Variants in SPAG1 observed in about 807,000 individuals in gnomAD.
The protein encoded by SPAG1 is sperm associated antigen 1.
SPAG1 carries 69 observed loss-of-function variants against 100.5 expected under a neutral mutation model. The ratio of observed to expected loss-of-function variants is 0.69; its 90% CI spans 0.57 to 0.84. The LOEUF (loss-of-function observed/expected upper bound fraction) is 0.84. Ranked by LOEUF, SPAG1 falls within the 40% of genes least tolerant of loss-of-function variation. The probability of loss-of-function intolerance (pLI) is 0.00; values close to 1 mark genes in which losing one functional copy is unlikely to be tolerated. For synonymous variants in SPAG1, 336 were observed against 411.6 expected (o/e 0.82, Z 2.22); for missense variants, 955 against 1,133.1 (o/e 0.84, Z 2.26).
chr8:100,161,943 T>C (rs192888329), intron 1 of SPAG1, among the ~76,000 whole-genome samples: 23 of 152,366 alleles, frequency 1.5e-4, no homozygotes, highest in Non-Finnish European at 3.2e-4. Context: ...CTGTAGCCAG[T>C]TGCAGAAGTA....
intron 3 of SPAG1, among the ~76,000 whole-genome samples, chr8:100,170,191 CATTT>C (rs1265926839): frequency 6.6e-6 from 1 of 152,072 alleles, no homozygotes; most frequent in Non-Finnish European, 1.5e-5. Context: ...TTTCTTCATT[CATTT>C]AAGTCTTCAA....
At chr8:100,164,078 C>T (rs186041878) in intron 2 of SPAG1, among the ~76,000 whole-genome samples, 1 of 152,158 alleles carries the variant, frequency 6.6e-6, no homozygotes, top group Non-Finnish European at 1.5e-5. Context: ...GAACAGATGT[C>T]TCCATTTAAC....
chr8:100,159,298 C>T (rs1394794307), intron 1 of SPAG1, among the ~76,000 whole-genome samples: 1 of 152,116 alleles, frequency 6.6e-6, no homozygotes, highest in Non-Finnish European at 1.5e-5. Flanking sequence ...TATCCTTGTC[C>T]TGGGAGCCAT....
chr8:100,209,182 AC>A (rs1446465831), intron 10 of SPAG1, among the ~76,000 whole-genome samples: 1 of 151,672 alleles, frequency 6.6e-6, no homozygotes, highest in Non-Finnish European at 1.5e-5. Context: ...TGAACATCAC[AC>A]TCCAAGTTCT....
chr8:100,173,219 A>G (rs1815960007), intron 3 of SPAG1, among the ~76,000 whole-genome samples: 1 of 151,284 alleles, frequency 6.6e-6, no homozygotes, highest in Non-Finnish European at 1.5e-5. Flanking sequence ...TTTTGTAGAG[A>G]CAGGGGTCTT....
chr8:100,240,864 G>GTT (rs57110081), intron 18 of SPAG1, 27 bp from the exon 19 acceptor site: 2,821 of 1,370,524 alleles, frequency 2.1e-3, no homozygotes, highest in African/African-American at 5.3e-3. Flanking sequence ...TTGGTTTTTT[G>GTT]TTTTTTTTTT....
At chr8:100,166,474 C>G (rs1427206839) in intron 3 of SPAG1, among the ~76,000 whole-genome samples, 1 of 152,084 alleles carries the variant, frequency 6.6e-6, no homozygotes, top group Non-Finnish European at 1.5e-5. Context: ...GGCCAGACTT[C>G]TCGAACTCCT....
At position 100,168,687 on chromosome 8, in the gene SPAG1, C is replaced by CTTTTTT. The variant is rs747506730; in HGVS notation, c.300+2720_300+2725dup. ...AGCATGAGCCACCATGCCCAGCCAT[C>CTTTTTT]TTTTTTTTTTTGTTGTTGAGACAGA... On this transcript the variant is annotated intron_variant, in intron 3 of 18. Transcript: ENST00000388798. Among the ~76,000 whole-genome samples, 64 of 95,606 alleles carry CTTTTTT rather than the reference C, an allele frequency of 6.7e-4. 3 individuals carry two copies. The highest frequency in any genetic ancestry group is 1.6e-3 in the Admixed American group (12 of 7,418). The allele number at this position is 95,606 out of a possible 152,430, so 62.7% of individuals were successfully genotyped here.
At chr8:100,175,993 T>C (rs183156420) in intron 3 of SPAG1, among the ~76,000 whole-genome samples, 92 of 152,308 alleles carry the variant, frequency 6.0e-4, no homozygotes, top group African/African-American at 1.9e-3. Flanking sequence ...TATCCCTTCC[T>C]GCCTTAAATC....
chr8:100,226,898 CTTTACTGTGTT>C, intron 14 of SPAG1, among the ~76,000 whole-genome samples: 1 of 152,240 alleles, frequency 6.6e-6, no homozygotes, highest in Middle Eastern at 3.4e-3. Context: ...TATACTGTAA[CTTTACTGTGTT>C]TTTACTGTAA....
chr8:100,218,662 CAA>C lies in SPAG1; in HGVS notation c.1536-1615_1536-1614del, dbSNP rs1434521738. On this transcript the variant is annotated intron_variant, in intron 12 of 18. Transcript: ENST00000388798. ...AACTTAAGAAAAAACTAGCACAGCA[CAA>C]AGACTATCATTAAAATCACTCACAA... Among the ~76,000 whole-genome samples, 4 of 152,204 alleles carry C rather than the reference CAA, an allele frequency of 2.6e-5. No homozygotes were observed. In the East Asian group the frequency reaches 7.7e-4, roughly 29 times the overall value.
In SPAG1 at chr8:100,239,291, A is replaced by C. The variant is rs1819147078; in HGVS notation, c.2167A>C (p.Ser723Arg). 1.3e-6 allele frequency: 2 copies of C among 1,547,682 alleles called. No homozygotes were observed. The highest frequency in any genetic ancestry group is 8.7e-7 in the Non-Finnish European group (1 of 1,149,030). ...DLNKVILLDP[S>R]IIEAKMELEE... ...CAATAAAGTTATCCTACTAGATCCA[A>C]GTATTATTGAGGCAAAGATGGAACT... Residue 723 changes from serine to arginine, a missense_variant, in exon 17 of 19, where the codon AGT (serine) becomes CGT (arginine). Physicochemically the swap from Ser to Arg is moderately radical, Grantham distance 110. Transcript: ENST00000388798. The surrounding 1 kb of genome is among the most constrained non-coding windows in gnomAD (Gnocchi z 5.0).
intron 1 of SPAG1, among the ~76,000 whole-genome samples, chr8:100,160,664 C>T (rs886610608): frequency 1.3e-5 from 2 of 149,608 alleles, no homozygotes; most frequent in African/African-American, 4.9e-5. Flanking sequence ...GTACAGAGTG[C>T]CCTTAGAACA....
chr8:100,201,518 G>A (rs886848693), intron 10 of SPAG1, among the ~76,000 whole-genome samples: 6 of 152,116 alleles, frequency 3.9e-5, no homozygotes, highest in African/African-American at 7.2e-5. Context: ...TACAGTGTGA[G>A]GTAAATGTGT....
intron 3 of SPAG1, among the ~76,000 whole-genome samples, chr8:100,167,035 A>T (rs1815591864): frequency 6.6e-6 from 1 of 152,236 alleles, no homozygotes; most frequent in Non-Finnish European, 1.5e-5. Context: ...CCAACAGTGT[A>T]TAAGAATGCC....
chr8:100,237,115 C>G (rs1399654466), intron 16 of SPAG1, among the ~76,000 whole-genome samples: 1 of 152,130 alleles, frequency 6.6e-6, no homozygotes, highest in Non-Finnish European at 1.5e-5. Flanking sequence ...GAGTCTTGCT[C>G]TGTCACTCAG....
chr8:100,213,967 A>G (rs1188364884), intron 12 of SPAG1, 49 bp downstream of exon 12: 2 of 1,066,202 alleles, frequency 1.9e-6, no homozygotes, highest in Non-Finnish European at 1.4e-6. Flanking sequence ...TAATTTCATT[A>G]TGGTGAATGC....
Position 100,168,828 on chromosome 8 carries a change from C to T in SPAG1, c.300+2855C>T, listed in dbSNP as rs1815691081. ...TCAGCCTTCTGAGTAGCTGGGATTA[C>T]AGGCATGCGCCACCACGCCCAGCTA... is the stretch of plus-strand genomic sequence containing the variant. On this transcript the variant is annotated intron_variant, in intron 3 of 18. Coordinates refer to ENST00000388798, the MANE Select transcript of SPAG1 (RefSeq NM_003114.5). 2.6e-5 allele frequency among the ~76,000 whole-genome samples: 4 copies of T among 151,818 alleles called. No homozygotes were observed. In the South Asian group the frequency reaches 8.3e-4, roughly 32 times the overall value.
chr8:100,231,043 C>A, intron 14 of SPAG1, 113 bp from the exon 15 acceptor site: 1 of 806,060 alleles, frequency 1.2e-6, no homozygotes, highest in Non-Finnish European at 1.8e-6. Flanking sequence ...TTTCACCCTG[C>A]ATGCTGTGTG....
Sources: gnomAD v4.1 joint callset for allele counts (sites outside exome capture counted in the v4.1 genomes callset) on GRCh38, gnomAD v4.1.1 for gene constraint, Gnocchi (gnomAD v3.1) non-coding constraint, MANE v1.5 for transcripts, NCBI Gene and HGNC (gene_info 2026-07-23, HGNC 2026-07-21) for gene names.